The following SGCZ variants were observed in gnomAD, a reference collection of about 807,000 sequenced individuals.
The protein encoded by SGCZ is zeta-sarcoglycan.
A neutral mutation model predicts 41.3 loss-of-function variants in SGCZ; 40 were observed. That is an observed-to-expected ratio of 0.97 (90% CI 0.75 to 1.26). SGCZ has a LOEUF of 1.26. SGCZ is among the 50% of genes most tolerant of loss of function. The pLI is 0.00. For synonymous variants in SGCZ, 206 were observed against 137.5 expected, an observed-to-expected ratio of 1.50 and a Z score of -3.49; for missense variants, 552 against 369.8, an observed-to-expected ratio of 1.49 and a Z score of -4.04.
intron 1 of SGCZ, among the ~76,000 whole-genome samples, chr8:15,118,410 T>TA (rs1807350754): frequency 6.6e-6 from 1 of 152,072 alleles, no homozygotes; most frequent in Non-Finnish European, 1.5e-5. Flanking sequence ...GGGGGAGGCT[T>TA]GAAAATGCAG....
intron 2 of SGCZ, among the ~76,000 whole-genome samples, chr8:14,455,499 C>T (rs1339669660): frequency 6.6e-6 from 1 of 151,540 alleles, no homozygotes; most frequent in African/African-American, 2.4e-5. Context: ...CACGCATATA[C>T]ACACTTCTCT....
At chr8:14,879,090 T>C (rs1036550724) in intron 1 of SGCZ, 1 of 152,148 alleles carries the variant, frequency 6.6e-6, no homozygotes, top group Non-Finnish European at 1.5e-5. Context: ...TTTGGGAGGA[T>C]GAGGTGGGAG....
chr8:15,101,666 C>G (rs1238959392), intron 1 of SGCZ, among the ~76,000 whole-genome samples: 1 of 152,126 alleles, frequency 6.6e-6, no homozygotes, highest in African/African-American at 2.4e-5. Flanking sequence ...AGCGGTGGCT[C>G]ACGCATGTAA....
At chr8:14,104,210 A>G (rs956708365) in intron 6 of SGCZ, among the ~76,000 whole-genome samples, 35 of 152,118 alleles carry the variant, frequency 2.3e-4, no homozygotes, top group Admixed American at 1.3e-4. Context: ...GTGAATTATA[A>G]TTGTATTCAT....
chr8:14,644,599 G>A (rs780075109), intron 1 of SGCZ, among the ~76,000 whole-genome samples: 2 of 151,566 alleles, frequency 1.3e-5, no homozygotes, highest in African/African-American at 2.4e-5. Flanking sequence ...ATGAGTTTTG[G>A]GTCAAGGTGT....
intron 1 of SGCZ, among the ~76,000 whole-genome samples, chr8:14,801,224 C>G (rs1401466174): frequency 6.6e-6 from 1 of 151,988 alleles, no homozygotes; most frequent in African/African-American, 2.4e-5. Context: ...TGTATTGAAA[C>G]AGAGAAGATA....
At chr8:14,544,721 G>C (rs554810116) in intron 2 of SGCZ, among the ~76,000 whole-genome samples, 2 of 152,198 alleles carry the variant, frequency 1.3e-5, no homozygotes, top group South Asian at 4.2e-4. Flanking sequence ...CTCTGCTCTT[G>C]AACCCTGTTT....
At chr8:14,822,579 T>A (rs1465200109) in intron 1 of SGCZ, among the ~76,000 whole-genome samples, 1 of 152,080 alleles carries the variant, frequency 6.6e-6, no homozygotes, top group Non-Finnish European at 1.5e-5. Flanking sequence ...CTTCAAAATA[T>A]GCTACAAAGC....
intron 4 of SGCZ, among the ~76,000 whole-genome samples, chr8:14,187,987 C>T (rs1804960295): frequency 6.6e-6 from 1 of 152,014 alleles, no homozygotes; most frequent in Non-Finnish European, 1.5e-5. Context: ...ATAAGGTTAA[C>T]AGCTGGCCTC....
chr8:14,692,875 C>T (rs1039489242), intron 1 of SGCZ, among the ~76,000 whole-genome samples: 13 of 152,060 alleles, frequency 8.5e-5, no homozygotes, highest in African/African-American at 2.9e-4. Flanking sequence ...TTTCACTGAA[C>T]GCGATATCGA....
intron 1 of SGCZ, among the ~76,000 whole-genome samples, chr8:15,021,730 C>T (rs1803255971): frequency 6.6e-6 from 1 of 152,114 alleles, no homozygotes; most frequent in African/African-American, 2.4e-5. Context: ...TATCTTGAGG[C>T]CCTTCTTTCA....
chr8:14,601,657 C>A (rs1190139329), intron 1 of SGCZ, among the ~76,000 whole-genome samples: 1 of 152,074 alleles, frequency 6.6e-6, no homozygotes, highest in African/African-American at 2.4e-5. Context: ...ATTATCTTTC[C>A]TTATTGGTAG....
chr8:14,827,936 ATATGTAT>A (rs1448327464), intron 1 of SGCZ, among the ~76,000 whole-genome samples: 2 of 152,178 alleles, frequency 1.3e-5, no homozygotes, highest in African/African-American at 2.4e-5. Flanking sequence ...TTCATGGAAA[ATATGTAT>A]TATGAAAGAA....
intron 1 of SGCZ, among the ~76,000 whole-genome samples, chr8:14,846,678 A>G (rs979374128): frequency 6.9e-6 from 1 of 144,062 alleles, no homozygotes; most frequent in African/African-American, 2.6e-5. Flanking sequence ...CAACAAATGA[A>G]TTTGTAGCTA....
At chr8:14,755,142 G>C (rs1421055590) in intron 1 of SGCZ, among the ~76,000 whole-genome samples, 1 of 151,576 alleles carries the variant, frequency 6.6e-6, no homozygotes, top group Non-Finnish European at 1.5e-5. Context: ...TTTTTACCTT[G>C]TCTCACTTGT....
chr8:14,842,726 G>A (rs1412311494), intron 1 of SGCZ, among the ~76,000 whole-genome samples: 5 of 152,144 alleles, frequency 3.3e-5, no homozygotes, highest in Non-Finnish European at 7.4e-5. Context: ...TGATGAAAAT[G>A]TACTTGAAAA....
At chr8:14,837,152 G>C (rs547171002) in intron 1 of SGCZ, among the ~76,000 whole-genome samples, 2 of 152,242 alleles carry the variant, frequency 1.3e-5, no homozygotes, top group South Asian at 2.1e-4. Context: ...TGCAATCATG[G>C]AGCTTTCTCT....
intron 2 of SGCZ, among the ~76,000 whole-genome samples, chr8:14,384,150 G>A (rs1199901576): frequency 6.6e-6 from 1 of 151,882 alleles, no homozygotes; most frequent in Non-Finnish European, 1.5e-5. Context: ...AGTGTGTGAT[G>A]TTCCCCTTCC....
intron 2 of SGCZ, among the ~76,000 whole-genome samples, chr8:14,426,035 A>T (rs1317797268): frequency 6.6e-6 from 1 of 152,176 alleles, no homozygotes; most frequent in Non-Finnish European, 1.5e-5. Flanking sequence ...TAATCCATAC[A>T]AGAATTCATT....
Sources: gnomAD v4.1 joint callset for allele counts (sites outside exome capture counted in the v4.1 genomes callset) on GRCh38, gnomAD v4.1.1 for gene constraint, MANE v1.5 for transcripts, NCBI Gene and HGNC (gene_info 2026-07-23, HGNC 2026-07-21) for gene names.